Variants in HDGFL3 observed in about 807,000 individuals in gnomAD.
The protein encoded by HDGFL3 is hepatoma-derived growth factor-related protein 3.
HDGFL3 carries 6 observed loss-of-function variants against 27.6 expected under a neutral mutation model. That is an observed-to-expected ratio of 0.22 (90% CI 0.12 to 0.43). HDGFL3 has a LOEUF of 0.43. Among genes scored for constraint, HDGFL3 ranks in the 20% least tolerant of loss-of-function variants. The pLI is 1.00. For missense variants in HDGFL3, 207 were observed against 250.1 expected (o/e 0.83, Z 1.16); for synonymous variants, 88 against 88.9 (o/e 0.99, Z 0.05).
chr15:83,119,569 T>C (rs375097686), intron 3 of HDGFL3: 118 of 1,613,338 alleles, frequency 7.3e-5, no homozygotes, highest in Non-Finnish European at 9.4e-5. Context: ...TTTTTAATGC[T>C]TTCTTTAGGG....
intron 5 of HDGFL3, among the ~76,000 whole-genome samples, chr15:83,143,333 G>C (rs62010214): frequency 0.25 from 38,202 of 151,804 alleles, 5,165 homozygotes; most frequent in African/African-American, 0.35. Context: ...GCCTGTAATC[G>C]AAGCACTTTG....
chr15:83,193,636 A>G (rs2037537971), intron 1 of HDGFL3, among the ~76,000 whole-genome samples: 1 of 152,218 alleles, frequency 6.6e-6, no homozygotes, highest in Non-Finnish European at 1.5e-5. Flanking sequence ...AACTCTCCGT[A>G]GGACACACCT....
rs1241362972 is a variant in HDGFL3, at chr15:83,131,880, A to C, written c.*7390T>G. On this transcript the variant is annotated 3_prime_UTR_variant, in exon 6 of 6. Transcript: ENST00000299633. ...CTGCAAGTGTAATCTGAAAGGCATTATAGGCTGCTTAGATCCACTTATTAG... is the reference window on the plus strand; with the variant it reads ...CTGCAAGTGTAATCTGAAAGGCATTCTAGGCTGCTTAGATCCACTTATTAG... 6.6e-6 allele frequency: 1 copy of C among 152,234 alleles called. No individual in the cohort carries two copies. Among genetic ancestry groups the C allele is most frequent in the Non-Finnish European group, 1.5e-5 (1 of 68,046 alleles). 9.4% of individuals were successfully genotyped at this position (152,234 alleles called of 1,614,324 possible). A position where few individuals can be genotyped will look rare whatever the true frequency, so the allele number is the denominator to read the frequency against.
intron 5 of HDGFL3, among the ~76,000 whole-genome samples, chr15:83,150,625 A>T (rs2036951939): frequency 6.6e-6 from 1 of 152,232 alleles, no homozygotes; most frequent in Non-Finnish European, 1.5e-5. Flanking sequence ...AGACTCATGG[A>T]AAATGCATGG....
chr15:83,157,318 A>G (rs1362441168), intron 4 of HDGFL3, 97 bp downstream of exon 4: 8 of 1,199,094 alleles, frequency 6.7e-6, no homozygotes, highest in East Asian at 2.4e-5. Flanking sequence ...AGAATTTAGT[A>G]TATTTCTATG....
intron 3 of HDGFL3, among the ~76,000 whole-genome samples, chr15:83,122,183 A>G (rs2035319378): frequency 6.6e-6 from 1 of 152,186 alleles, no homozygotes; most frequent in African/African-American, 2.4e-5. Context: ...AAGTGCTTTG[A>G]GCAATTTTCA....
chr15:83,123,364 G>C (rs2035445849), downstream of HDGFL3, among the ~76,000 whole-genome samples: 1 of 152,170 alleles, frequency 6.6e-6, no homozygotes, highest in African/African-American at 2.4e-5. Flanking sequence ...GGACATCTGA[G>C]ACACCTCCCT....
chr15:83,126,599 TG>T (rs2035766396), downstream of HDGFL3, among the ~76,000 whole-genome samples: 1 of 152,222 alleles, frequency 6.6e-6, no homozygotes, highest in African/African-American at 2.4e-5. Context: ...AGAACAAATC[TG>T]CAAAATATTT....
chr15:83,131,918 A>G lies in HDGFL3; in HGVS notation c.*7352T>C, dbSNP rs1384364747. On this transcript the variant is annotated 3_prime_UTR_variant, in exon 6 of 6. Coordinates refer to ENST00000299633, the MANE Select transcript of HDGFL3 (RefSeq NM_016073.4). ...ATCCACTTATTAGCATTTCCTATCA[A>G]TTGAAGCATTTTCTCTGCTAAAATA... 2.0e-5 allele frequency: 3 copies of G among 152,216 alleles called. No individual in the cohort carries two copies. The highest frequency in any genetic ancestry group is 2.1e-4 in the South Asian group (1 of 4,824). 9.4% of individuals were successfully genotyped at this position (152,216 alleles called of 1,614,324 possible).
intron 1 of HDGFL3, among the ~76,000 whole-genome samples, chr15:83,206,785 C>A (rs749632636): frequency 6.6e-6 from 1 of 152,220 alleles, no homozygotes; most frequent in Admixed American, 6.5e-5. Context: ...CACCGGGAAT[C>A]GCGCTCAGGG....
chr15:83,171,756 G>A (rs1033997585), intron 1 of HDGFL3, among the ~76,000 whole-genome samples: 1 of 152,078 alleles, frequency 6.6e-6, no homozygotes, highest in South Asian at 2.1e-4. Flanking sequence ...TGGGAGGGAG[G>A]GGGACAAGGG....
At chr15:83,191,935 CTTTTTTTTT>C (rs749998701) in intron 1 of HDGFL3, among the ~76,000 whole-genome samples, 3 of 106,716 alleles carry the variant, frequency 2.8e-5, no homozygotes, top group Non-Finnish European at 5.6e-5. Context: ...CTTATCTCTC[CTTTTTTTTT>C]TTTTTTTTTT....
intron 1 of HDGFL3, among the ~76,000 whole-genome samples, chr15:83,199,452 T>C (rs1450470316): frequency 6.6e-6 from 1 of 152,160 alleles, no homozygotes. Flanking sequence ...AAACTATCAC[T>C]TAAAACCACT....
rs1397978756 is a variant in HDGFL3, at chr15:83,171,032, C to T, written c.85-6957G>A. Among the ~76,000 whole-genome samples the T allele has an allele frequency of 6.6e-4, 101 of 152,100 alleles. 1 individual carries two copies. Among genetic ancestry groups the T allele is most frequent in the Admixed American group, 6.6e-3 (101 of 15,264 alleles). ...AAAACCACAATGAGATACTATCTCA[C>T]ACCAGTCATAATGGCTACTATTTTC... is the stretch of plus-strand genomic sequence containing the variant. On this transcript the variant is annotated intron_variant, in intron 1 of 5. Transcript: ENST00000299633.
intron 1 of HDGFL3, among the ~76,000 whole-genome samples, chr15:83,196,386 GACT>G (rs1458544183): frequency 2.0e-5 from 3 of 151,862 alleles, no homozygotes; most frequent in East Asian, 1.9e-4. Flanking sequence ...TACATAATCT[GACT>G]ACAAGATAAC....
chr15:83,201,943 T>A (rs986022900), intron 1 of HDGFL3, among the ~76,000 whole-genome samples: 2 of 152,184 alleles, frequency 1.3e-5, no homozygotes, highest in Admixed American at 1.3e-4. Flanking sequence ...GATGTACTTC[T>A]TAGGCCAAAG....
At chr15:83,205,077 C>T (rs1463522049) in intron 1 of HDGFL3, among the ~76,000 whole-genome samples, 1 of 152,168 alleles carries the variant, frequency 6.6e-6, no homozygotes, top group Non-Finnish European at 1.5e-5. Flanking sequence ...ACATGAATGG[C>T]CTTCGTATCA....
chr15:83,198,283 G>T (rs2151422173), intron 1 of HDGFL3, among the ~76,000 whole-genome samples: 1 of 152,058 alleles, frequency 6.6e-6, no homozygotes, highest in East Asian at 1.9e-4. Flanking sequence ...AAAAGCTCAG[G>T]ACTGTTAACA....
chr15:83,199,412 A>G (rs2037611376), intron 1 of HDGFL3, among the ~76,000 whole-genome samples: 1 of 152,006 alleles, frequency 6.6e-6, no homozygotes, highest in African/African-American at 2.4e-5. Flanking sequence ...CTTCTGTGAA[A>G]CTCATTTTTA....
Sources: allele counts gnomAD v4.1 joint callset (sites outside exome capture counted in the v4.1 genomes callset), GRCh38; gene constraint gnomAD v4.1.1; transcripts MANE v1.5; gene names NCBI Gene and HGNC (gene_info 2026-07-23, HGNC 2026-07-21).